Variants in SLC24A2 observed in about 807,000 individuals in gnomAD.
The protein encoded by SLC24A2 is sodium/potassium/calcium exchanger 2.
Under a neutral mutation model 62.0 loss-of-function variants are expected in SLC24A2, and 36 were observed. The observed-to-expected ratio is 0.58, with a 90% CI of 0.44 to 0.77. SLC24A2 has a LOEUF of 0.77. SLC24A2 is among the 30% of genes least tolerant of loss of function. The pLI, the probability that SLC24A2 is intolerant of heterozygous loss-of-function variation, is 0.00. For synonymous variants in SLC24A2, 358 were observed against 294.0 expected (o/e 1.22, Z -2.23); for missense variants, 846 against 817.9 (o/e 1.03, Z -0.42).
the SLC24A2 span, among the ~76,000 whole-genome samples, chr9:20,231,668 T>G: frequency 6.6e-6 from 1 of 152,200 alleles, no homozygotes; most frequent in African/African-American, 2.4e-5. Flanking sequence ...TATAAAATCA[T>G]GTCATCTGCA....
At chr9:20,031,692 T>C in the SLC24A2 span, among the ~76,000 whole-genome samples, 3 of 152,124 alleles carry the variant, frequency 2.0e-5, no homozygotes, top group Admixed American at 6.5e-5. Context: ...ACAGCCTCCA[T>C]ATACATCATT....
chr9:19,662,353 G>A (rs913691492), intron 2 of SLC24A2, among the ~76,000 whole-genome samples: 2 of 152,108 alleles, frequency 1.3e-5, no homozygotes, highest in Admixed American at 6.6e-5. Flanking sequence ...ACATTTCAAG[G>A]GCTGAGTAGC....
intron 3 of SLC24A2, among the ~76,000 whole-genome samples, chr9:19,620,300 C>T (rs532005985): frequency 6.2e-4 from 94 of 152,270 alleles, no homozygotes; most frequent in African/African-American, 1.8e-3. Context: ...CAGTAAATGA[C>T]GAAGTGCTAA....
chr9:20,149,116 T>G, the SLC24A2 span, among the ~76,000 whole-genome samples: 5 of 152,004 alleles, frequency 3.3e-5, no homozygotes, highest in African/African-American at 1.2e-4. Flanking sequence ...CTGAGCAGAT[T>G]TGTATAACAA....
At chr9:20,008,843 T>G in the SLC24A2 span, among the ~76,000 whole-genome samples, 3 of 152,134 alleles carry the variant, frequency 2.0e-5, no homozygotes, top group African/African-American at 7.2e-5. Context: ...CAGAAGAACA[T>G]GCAGAGAGTG....
chr9:20,303,554 A>T, the SLC24A2 span, among the ~76,000 whole-genome samples: 2 of 152,186 alleles, frequency 1.3e-5, no homozygotes. Context: ...GATAGCCCCC[A>T]GCCCATACAG....
chr9:19,528,155 A>C lies in SLC24A2; in HGVS notation c.1480-17T>G. On this transcript the variant is annotated splice_polypyrimidine_tract_variant and intron_variant, in intron 8 of 10. Coordinates refer to ENST00000341998, the MANE Select transcript of SLC24A2 (RefSeq NM_020344.4). The stretch of plus-strand genomic sequence containing the variant: ...CCTCGATGACTGAAAGACAACCAGG[A>C]AGAGTTGAGAATATCAGTGTTATCC... 6.7e-7 allele frequency: 1 copy of C among 1,501,030 alleles called. No individual in the cohort carries two copies. The highest frequency in any genetic ancestry group is 9.1e-7 in the Non-Finnish European group (1 of 1,094,002). 93.0% of individuals were successfully genotyped at this position (1,501,030 alleles called of 1,614,324 possible). A position where few individuals can be genotyped will look rare whatever the true frequency, so the allele number is the denominator to read the frequency against.
chr9:20,057,598 T>C, the SLC24A2 span, among the ~76,000 whole-genome samples: 2 of 152,208 alleles, frequency 1.3e-5, no homozygotes, highest in Non-Finnish European at 2.9e-5. Context: ...ATTTGAAACC[T>C]ATCAAGCCGT....
intron 2 of SLC24A2, among the ~76,000 whole-genome samples, chr9:19,756,540 TA>T (rs1467640990): frequency 6.6e-6 from 1 of 152,212 alleles, no homozygotes. Context: ...CAACAATATT[TA>T]TATATTATCC....
intron 8 of SLC24A2, among the ~76,000 whole-genome samples, chr9:19,539,711 T>A (rs1431599521): frequency 2.2e-4 from 8 of 36,896 alleles, no homozygotes; most frequent in African/African-American, 9.1e-4. Flanking sequence ...TCTGTAGATG[T>A]CTATTAGGTC....
chr9:20,278,675 C>T, the SLC24A2 span, among the ~76,000 whole-genome samples: 1 of 152,224 alleles, frequency 6.6e-6, no homozygotes, highest in Admixed American at 6.5e-5. Flanking sequence ...GACTTTCCCA[C>T]ATCGTCCTGT....
chr9:20,127,977 C>A, the SLC24A2 span, among the ~76,000 whole-genome samples: 1 of 152,006 alleles, frequency 6.6e-6, no homozygotes, highest in South Asian at 2.1e-4. Context: ...CCAAAATCAA[C>A]CAATGCCTAC....
At chr9:19,586,102 ATTCCTT>A (rs1836363591) in intron 5 of SLC24A2, among the ~76,000 whole-genome samples, 1 of 152,154 alleles carries the variant, frequency 6.6e-6, no homozygotes, top group South Asian at 2.1e-4. Context: ...AATTTGTCTT[ATTCCTT>A]TTCAAGACTC....
the SLC24A2 span, among the ~76,000 whole-genome samples, chr9:20,169,593 A>G: frequency 2.0e-5 from 3 of 152,012 alleles, no homozygotes; most frequent in Non-Finnish European, 2.9e-5. Context: ...CAATCACTGT[A>G]GCTTGGCTCC....
chr9:20,158,475 T>C, the SLC24A2 span, among the ~76,000 whole-genome samples: 5 of 151,712 alleles, frequency 3.3e-5, no homozygotes, highest in Admixed American at 1.3e-4. Context: ...TGAGGACACA[T>C]AGAAGGTGCC....
chr9:19,668,459 C>G (rs1219301577), intron 2 of SLC24A2, among the ~76,000 whole-genome samples: 1 of 152,200 alleles, frequency 6.6e-6, no homozygotes, highest in East Asian at 1.9e-4. Flanking sequence ...ATTTCCGTAC[C>G]TGCATGCCTA....
At chr9:19,833,832 G>A in the SLC24A2 span, among the ~76,000 whole-genome samples, 1 of 152,232 alleles carries the variant, frequency 6.6e-6, no homozygotes, top group Non-Finnish European at 1.5e-5. Flanking sequence ...CCCCAACTAG[G>A]GGCGGACTGA....
chr9:19,712,768 C>G (rs1820750837), intron 2 of SLC24A2, among the ~76,000 whole-genome samples: 1 of 152,184 alleles, frequency 6.6e-6, no homozygotes, highest in Non-Finnish European at 1.5e-5. Context: ...GGTTTCTTAA[C>G]TTCAGTGCTA....
At chr9:20,041,143 T>C in the SLC24A2 span, among the ~76,000 whole-genome samples, 1 of 152,020 alleles carries the variant, frequency 6.6e-6, no homozygotes, top group Non-Finnish European at 1.5e-5. Flanking sequence ...AGAGAGTGCG[T>C]GTGTGTACGC....
Sources: gnomAD v4.1 joint callset for allele counts (sites outside exome capture counted in the v4.1 genomes callset) on GRCh38, gnomAD v4.1.1 for gene constraint, MANE v1.5 for transcripts, NCBI Gene and HGNC (gene_info 2026-07-23, HGNC 2026-07-21) for gene names.